CLIP3: variants seen among roughly 807,000 people sequenced by gnomAD.
CLIP3 encodes the protein CAP-Gly domain containing linker protein 3, also known as CAP-Gly domain-containing linker protein 3.
A neutral mutation model predicts 59.4 loss-of-function variants in CLIP3; 15 were observed. That is an observed-to-expected ratio of 0.25 (90% CI 0.17 to 0.39). The LOEUF is 0.39. Ranked by LOEUF, CLIP3 falls within the 10% of genes least tolerant of loss-of-function variation. The pLI is 1.00. For missense variants in CLIP3, 495 were observed against 765.7 expected (o/e 0.65, Z 4.17); for synonymous variants, 300 against 321.6 (o/e 0.93, Z 0.72).
Position 36,016,043 on chromosome 19 carries a change from G to T in CLIP3, c.*115C>A. The T allele has an allele frequency of 9.4e-7, 1 of 1,064,676 alleles. No homozygotes were observed. Among genetic ancestry groups the T allele is most frequent in the Non-Finnish European group, 1.4e-6 (1 of 699,082 alleles). The allele number at this position is 1,064,676 out of a possible 1,614,324, so 66.0% of individuals were successfully genotyped here. A position where few individuals can be genotyped will look rare whatever the true frequency, so the allele number is the denominator to read the frequency against. On this transcript the variant is annotated 3_prime_UTR_variant, in exon 14 of 14. Coordinates refer to ENST00000360535, the MANE Select transcript of CLIP3 (RefSeq NM_015526.3). The surrounding 1 kb of genome is among the most constrained non-coding windows in gnomAD (Gnocchi z 4.1). ...TCAATGATCGAGGGCTGGCTAACAG[G>T]GGTCTCTACTCTGGATGTGTTACTG...
intron 2 of CLIP3, among the ~76,000 whole-genome samples, chr19:36,031,014 T>TTTTTTTTC: frequency 8.9e-6 from 1 of 112,404 alleles, no homozygotes; most frequent in African/African-American, 4.3e-5. Context: ...TTTTCTTTTT[T>TTTTTTTTC]TTTTTTTTCT....
intron 7 of CLIP3, among the ~76,000 whole-genome samples, chr19:36,019,959 A>G (rs139941590): frequency 0.025 from 3,848 of 152,058 alleles, 125 homozygotes; most frequent in African/African-American, 0.077. Flanking sequence ...TAATCCCAAC[A>G]CTTTGGGATG....
In CLIP3 at chr19:36,017,861, T is replaced by G; in HGVS notation, c.1314A>C (p.Thr438=). Reference sequence around the variant, plus strand: ...CCCCATCCTCACCTGGGGCAAAGTCTGTCTTCCCGTAGAAGCGCACGATCC... The same window carrying G: ...CCCCATCCTCACCTGGGGCAAAGTCGGTCTTCCCGTAGAAGCGCACGATCC... ...KQGIVRFYGK[T]DFAPGYWYGI... The change falls in exon 10 of 14, where the codon ACA becomes ACC. Residue 438 remains threonine, a synonymous_variant. Coordinates refer to ENST00000360535, the MANE Select transcript of CLIP3 (RefSeq NM_015526.3). 3 of 1,613,992 alleles carry G rather than the reference T, an allele frequency of 1.9e-6. No individual in the cohort carries two copies. Among genetic ancestry groups the G allele is most frequent in the Non-Finnish European group, 2.5e-6 (3 of 1,179,892 alleles).
chr19:36,031,492 T>C (rs778744741), intron 2 of CLIP3, among the ~76,000 whole-genome samples: 24 of 152,198 alleles, frequency 1.6e-4, no homozygotes, highest in Non-Finnish European at 3.2e-4. Context: ...GTAGCAGCAC[T>C]CGATAAATAT....
intron 8 of CLIP3, 52 bp downstream of exon 8, chr19:36,019,119 C>T (rs1234377255): frequency 6.2e-7 from 1 of 1,610,112 alleles, no homozygotes; most frequent in East Asian, 2.2e-5. Context: ...AGCATCAGAA[C>T]TGCCGAGTGG....
At position 36,016,295 on chromosome 19, in the gene CLIP3, G is replaced by A. The variant is rs909363543; in HGVS notation, c.1590-83C>T. On this transcript the variant is annotated intron_variant, in intron 13 of 13. Transcript: ENST00000360535. The surrounding 1 kb of genome is among the most constrained non-coding windows in gnomAD (Gnocchi z 4.1). ...CATCACCCCCAGCCTTTCCCCCAGTGTTTGCTATCAGGCCTTTCTGGATTC... is the reference window on the plus strand; with the variant it reads ...CATCACCCCCAGCCTTTCCCCCAGTATTTGCTATCAGGCCTTTCTGGATTC... 4.0e-6 allele frequency: 6 copies of A among 1,512,986 alleles called. No homozygotes were observed. The African/African-American group carries it at 6.9e-5, about 17-fold the overall frequency. 93.7% of individuals were successfully genotyped at this position (1,512,986 alleles called of 1,614,324 possible).
In CLIP3 at chr19:36,019,665, C is replaced by T. The variant is rs182982665; in HGVS notation, c.919-359G>A. 4.7e-3 allele frequency among the ~76,000 whole-genome samples: 700 copies of T among 150,444 alleles called. 7 individuals are homozygous for T. Among genetic ancestry groups the T allele is most frequent in the African/African-American group, 0.016 (655 of 40,928 alleles). ...GTTGCCAGGCTCGAGTGCAGTGGCA[C>T]GATCTCGGCTCACTGCAAATTCCAC... On this transcript the variant is annotated intron_variant, in intron 7 of 13. Transcript: ENST00000360535.
Position 36,026,360 on chromosome 19 carries a change from A to T in CLIP3, c.563-95T>A. ...GCTCATCTCTTAACTTGCAGGTCCC[A>T]GAGCCTCCGACGCAGAGCCCCGCCC... On this transcript the variant is annotated intron_variant, in intron 5 of 13. Transcript: ENST00000360535. This position sits in a 1 kb window ranked among gnomAD's most constrained non-coding sequence, Gnocchi z 6.3. 1 of 1,250,280 alleles carries T rather than the reference A, an allele frequency of 8.0e-7. No individual in the cohort carries two copies. The highest frequency in any genetic ancestry group is 1.9e-5 in the Admixed American group (1 of 53,206). The allele number at this position is 1,250,280 out of a possible 1,614,324, so 77.4% of individuals were successfully genotyped here. A position where few individuals can be genotyped will look rare whatever the true frequency, so the allele number is the denominator to read the frequency against.
chr19:36,026,599 A>G lies in CLIP3; in HGVS notation c.549T>C (p.Gly183=). Residue 183 remains glycine, a synonymous_variant, in exon 5 of 14, where the codon GGT becomes GGC. Transcript: ENST00000360535. This position sits in a 1 kb window ranked among gnomAD's most constrained non-coding sequence, Gnocchi z 6.3. ...VPDLVRVLLK[G]ARPRVVNSTC... is the part of the protein sequence containing the mutation. ...TCTCCTCCTCACCTCGCGGCCTCGC[A>G]CCCTTCAGCAGCACACGCACGAGGT... is the stretch of plus-strand genomic sequence containing the variant. The G allele has an allele frequency of 2.5e-6, 4 of 1,613,572 alleles. No individual in the cohort carries two copies. Among genetic ancestry groups the G allele is most frequent in the East Asian group, 4.5e-5 (2 of 44,866 alleles).
chr19:36,022,261 A>T (rs1318074473), intron 7 of CLIP3, among the ~76,000 whole-genome samples: 1 of 151,982 alleles, frequency 6.6e-6, no homozygotes, highest in Non-Finnish European at 1.5e-5. Context: ...TATGCGCTGG[A>T]CTCTGTTCTA....
At chr19:36,023,813 G>T (rs1468410859) in intron 7 of CLIP3, among the ~76,000 whole-genome samples, 1 of 152,124 alleles carries the variant, frequency 6.6e-6, no homozygotes, top group Non-Finnish European at 1.5e-5. Context: ...CCTCCCTAAG[G>T]ACAGACTGGG....
intron 7 of CLIP3, 27 bp downstream of exon 7, chr19:36,024,369 A>G: frequency 6.8e-7 from 1 of 1,464,960 alleles, no homozygotes; most frequent in South Asian, 1.1e-5. Context: ...CCCACCCACC[A>G]TGCAAACACA....
In CLIP3 at chr19:36,026,423, C is replaced by T. The variant is rs535202015; in HGVS notation, c.563-158G>A. ...CCCCCTCTCCCTTGGCAGCCCCGAC[C>T]CTCCCTAGAGTGGTAGTCCCTGAGC... On this transcript the variant is annotated intron_variant, in intron 5 of 13. Transcript: ENST00000360535. The surrounding 1 kb of genome is among the most constrained non-coding windows in gnomAD (Gnocchi z 6.3). 6.6e-6 allele frequency among the ~76,000 whole-genome samples: 1 copy of T among 151,884 alleles called. No homozygotes were observed. Among genetic ancestry groups the T allele is most frequent in the African/African-American group, 2.4e-5 (1 of 41,404 alleles).
At position 36,032,377 on chromosome 19, in the gene CLIP3, G is replaced by C; in HGVS notation, c.-20C>G. On this transcript the variant is annotated 5_prime_UTR_variant, in exon 2 of 14. Transcript: ENST00000360535. This position sits in a 1 kb window ranked among gnomAD's most constrained non-coding sequence, Gnocchi z 4.3. The stretch of plus-strand genomic sequence containing the variant: ...AGTCATGGTCCTCGGTGGCCCTCGG[G>C]GGGCGGGTGCAGAGTTGGGGGCAGC... 2 of 1,228,710 alleles carry C rather than the reference G, an allele frequency of 1.6e-6. No homozygotes were observed. Among genetic ancestry groups the C allele is most frequent in the Non-Finnish European group, 2.1e-6 (2 of 970,340 alleles). The allele number at this position is 1,228,710 out of a possible 1,614,324, so 76.1% of individuals were successfully genotyped here. A position where few individuals can be genotyped will look rare whatever the true frequency, so the allele number is the denominator to read the frequency against.
chr19:36,024,865 A>G (rs535167209), intron 6 of CLIP3, among the ~76,000 whole-genome samples: 3 of 152,316 alleles, frequency 2.0e-5, no homozygotes, highest in African/African-American at 7.2e-5. Flanking sequence ...CAGGAGTTCA[A>G]GACCAGCCTG....
chr19:36,030,120 A>G (rs1487797463), intron 2 of CLIP3, among the ~76,000 whole-genome samples: 1 of 151,948 alleles, frequency 6.6e-6, no homozygotes, highest in East Asian at 1.9e-4. Flanking sequence ...CAGTGGTGCA[A>G]TCCTAGCTTA....
intron 9 of CLIP3, 135 bp from the exon 10 acceptor site, chr19:36,018,126 T>C: frequency 1.9e-6 from 2 of 1,033,016 alleles, no homozygotes; most frequent in Non-Finnish European, 2.8e-6. Context: ...TGCCAGAGAA[T>C]TAGGAAGGGG....
chr19:36,023,500 C>T (rs1189335036), intron 7 of CLIP3, among the ~76,000 whole-genome samples: 1 of 152,130 alleles, frequency 6.6e-6, no homozygotes, highest in South Asian at 2.1e-4. Context: ...AGCATTCAGC[C>T]AGGGACAATT....
chr19:36,026,540 C>T lies in CLIP3; in HGVS notation c.562+46G>A, dbSNP rs1969114942. 4.4e-6 allele frequency: 7 copies of T among 1,606,256 alleles called. No individual in the cohort carries two copies. In the South Asian group the frequency reaches 6.6e-5, roughly 15 times the overall value. On this transcript the variant is annotated intron_variant, in intron 5 of 13. Coordinates refer to ENST00000360535, the MANE Select transcript of CLIP3 (RefSeq NM_015526.3). The surrounding 1 kb of genome is among the most constrained non-coding windows in gnomAD (Gnocchi z 6.3). Reference sequence around the variant, plus strand: ...TGGCCTCACCTGGGTCTCCGCGTCCCTCACCCAGGTCCTTGCCCCCTCCCA... The same window carrying T: ...TGGCCTCACCTGGGTCTCCGCGTCCTTCACCCAGGTCCTTGCCCCCTCCCA...
Sources: gnomAD v4.1 joint callset for allele counts (sites outside exome capture counted in the v4.1 genomes callset) on GRCh38, gnomAD v4.1.1 for gene constraint, Gnocchi (gnomAD v3.1) non-coding constraint, MANE v1.5 for transcripts, NCBI Gene and HGNC (gene_info 2026-07-23, HGNC 2026-07-21) for gene names.